LRRC7: variants seen among roughly 807,000 people sequenced by gnomAD.
LRRC7 encodes the protein leucine-rich repeat-containing protein 7.
In LRRC7, 23 loss-of-function variants were observed where a neutral mutation model predicts 175.7. The observed-to-expected ratio is 0.13, with a 90% CI of 0.09 to 0.19. The LOEUF is 0.19. Among genes scored for constraint, LRRC7 ranks in the 10% least tolerant of loss-of-function variants. The pLI, the probability that LRRC7 is intolerant of heterozygous loss-of-function variation, is 1.00. For synonymous variants in LRRC7, 685 were observed against 680.9 expected (o/e 1.01, Z -0.09); for missense variants, 1,354 against 1,904.7 (o/e 0.71, Z 5.38).
At chr1:69,936,194 G>T (rs1271609024) in intron 8 of LRRC7, among the ~76,000 whole-genome samples, 1 of 152,074 alleles carries the variant, frequency 6.6e-6, no homozygotes, top group African/African-American at 2.4e-5. Flanking sequence ...CAGTGGATAG[G>T]GCAAGTGTCT....
At chr1:69,909,250 G>C (rs1190873915) in intron 7 of LRRC7, among the ~76,000 whole-genome samples, 1 of 152,062 alleles carries the variant, frequency 6.6e-6, no homozygotes, top group South Asian at 2.1e-4. Context: ...CTTTTAATTG[G>C]AGCATTTAGC....
At chr1:69,898,559 A>T (rs996955406) in intron 7 of LRRC7, among the ~76,000 whole-genome samples, 2 of 152,250 alleles carry the variant, frequency 1.3e-5, no homozygotes, top group Admixed American at 1.3e-4. Flanking sequence ...CCATTGCAAC[A>T]GCACCAAACA....
At chr1:69,951,417 A>G (rs753292972) in intron 8 of LRRC7, among the ~76,000 whole-genome samples, 1 of 152,036 alleles carries the variant, frequency 6.6e-6, no homozygotes, top group Non-Finnish European at 1.5e-5. Context: ...CTACCATTCA[A>G]TCCAGCAATC....
chr1:69,919,073 C>T (rs1646803642), intron 7 of LRRC7, among the ~76,000 whole-genome samples: 2 of 152,054 alleles, frequency 1.3e-5, no homozygotes, highest in South Asian at 4.1e-4. Context: ...AGGAATCGAT[C>T]AAATTTAAAC....
chr1:70,072,938 G>A (rs1014001694), intron 23 of LRRC7, among the ~76,000 whole-genome samples: 2 of 152,130 alleles, frequency 1.3e-5, no homozygotes, highest in Admixed American at 1.3e-4. Flanking sequence ...TAATGAGGGT[G>A]GGTGTCAATT....
At chr1:69,959,354 TAGAGACAAGG>T (rs1257605418) in intron 8 of LRRC7, among the ~76,000 whole-genome samples, 25 of 152,036 alleles carry the variant, frequency 1.6e-4, no homozygotes, top group African/African-American at 4.6e-4. Flanking sequence ...GATAGGTAAA[TAGAGACAAGG>T]TAAATTTAGC....
At chr1:69,991,542 T>C (rs936070317) in intron 10 of LRRC7, among the ~76,000 whole-genome samples, 2 of 152,118 alleles carry the variant, frequency 1.3e-5, no homozygotes, top group Non-Finnish European at 2.9e-5. Flanking sequence ...AGAATTCCCT[T>C]TCTTGGTCAA....
At chr1:69,750,673 A>G (rs1246646462) in intron 2 of LRRC7, among the ~76,000 whole-genome samples, 1 of 152,174 alleles carries the variant, frequency 6.6e-6, no homozygotes, top group Non-Finnish European at 1.5e-5. Flanking sequence ...TTGAGGGCCC[A>G]GTCTCCCCTT....
chr1:69,649,695 G>C (rs975807948), intron 1 of LRRC7, among the ~76,000 whole-genome samples: 5 of 152,100 alleles, frequency 3.3e-5, no homozygotes, highest in African/African-American at 1.2e-4. Context: ...CCATGCACAT[G>C]CAATTCCATG....
At chr1:69,721,503 C>T (rs1206051906) in intron 2 of LRRC7, among the ~76,000 whole-genome samples, 1 of 151,792 alleles carries the variant, frequency 6.6e-6, no homozygotes, top group Non-Finnish European at 1.5e-5. Context: ...TAGTAATACG[C>T]ATTTAGGTTT....
chr1:69,604,036 CT>C (rs565759323), intron 1 of LRRC7, among the ~76,000 whole-genome samples: 3 of 151,648 alleles, frequency 2.0e-5, no homozygotes, highest in African/African-American at 4.8e-5. Flanking sequence ...TATAAAATTG[CT>C]TTTTTTTACC....
intron 11 of LRRC7, among the ~76,000 whole-genome samples, chr1:69,995,085 A>G (rs1410430225): frequency 6.6e-6 from 1 of 152,192 alleles, no homozygotes; most frequent in Non-Finnish European, 1.5e-5. Flanking sequence ...ACGTATTTTT[A>G]GAAGCTAAGG....
At chr1:70,098,695 C>G (rs1329113894) in intron 25 of LRRC7, among the ~76,000 whole-genome samples, 1 of 151,964 alleles carries the variant, frequency 6.6e-6, no homozygotes, top group African/African-American at 2.4e-5. Flanking sequence ...ACAAACACCT[C>G]TACGCAAATA....
At chr1:69,771,042 T>C (rs951107999) in intron 3 of LRRC7, among the ~76,000 whole-genome samples, 1 of 152,190 alleles carries the variant, frequency 6.6e-6, no homozygotes, top group Non-Finnish European at 1.5e-5. Flanking sequence ...TTTCTGAATA[T>C]ATAAAACTAC....
intron 7 of LRRC7, chr1:69,919,607 G>A: frequency 1.2e-6 from 1 of 827,534 alleles, no homozygotes; most frequent in Non-Finnish European, 2.1e-6. Context: ...GGAGGCCCTG[G>A]AGCTGATCAG....
intron 2 of LRRC7, among the ~76,000 whole-genome samples, chr1:69,750,424 G>A (rs1043601985): frequency 6.6e-6 from 1 of 152,062 alleles, no homozygotes; most frequent in African/African-American, 2.4e-5. Context: ...AATATTGCCT[G>A]TACCCCATAA....
At position 69,975,894 on chromosome 1, in the gene LRRC7, GT is replaced by G. The variant is rs542813073; in HGVS notation, c.712-4474del. On this transcript the variant is annotated intron_variant, in intron 8 of 26. Transcript: ENST00000651989. The stretch of plus-strand genomic sequence containing the variant: ...ATTGTCCCCTCTTGGAATTTACTCA[GT>G]TTTTTTTTTTGTACCATCTTATCTA... Among the ~76,000 whole-genome samples the G allele has an allele frequency of 2.5e-4, 36 of 145,630 alleles. 1 individual carries two copies. Among genetic ancestry groups the G allele is most frequent in the East Asian group, 1.6e-3 (8 of 4,992 alleles).
At chr1:69,692,190 G>C (rs1312978611) in intron 2 of LRRC7, among the ~76,000 whole-genome samples, 1 of 152,168 alleles carries the variant, frequency 6.6e-6, no homozygotes, top group Non-Finnish European at 1.5e-5. Flanking sequence ...TTAATGTAGT[G>C]TATCTTAGCT....
intron 22 of LRRC7, among the ~76,000 whole-genome samples, chr1:70,045,174 TA>T (rs536150522): frequency 1.2e-4 from 18 of 146,412 alleles, no homozygotes; most frequent in Middle Eastern, 3.6e-3. Context: ...ACCGTAACTT[TA>T]AAAAAAAAAA....
Sources: allele counts gnomAD v4.1 joint callset (sites outside exome capture counted in the v4.1 genomes callset), GRCh38; gene constraint gnomAD v4.1.1; transcripts MANE v1.5; gene names NCBI Gene and HGNC (gene_info 2026-07-23, HGNC 2026-07-21).